Variants in UCHL5 observed in about 807,000 individuals in gnomAD.
UCHL5 encodes the protein ubiquitin carboxyl-terminal hydrolase isozyme L5.
A neutral mutation model predicts 53.8 loss-of-function variants in UCHL5; 34 were observed. The observed-to-expected ratio is 0.63, with a 90% CI of 0.48 to 0.84. The LOEUF is 0.84. UCHL5 is among the 40% of genes least tolerant of loss of function. The pLI is 0.00. For synonymous variants in UCHL5, 111 were observed against 126.3 expected (o/e 0.88, Z 0.81); for missense variants, 290 against 385.6 (o/e 0.75, Z 2.08).
chr1:193,044,178 C>G (rs1187491793), intron 3 of UCHL5, among the ~76,000 whole-genome samples: 2 of 152,156 alleles, frequency 1.3e-5, no homozygotes, highest in Non-Finnish European at 2.9e-5. Context: ...CAGCACTTAT[C>G]ATCATTGTAA....
At chr1:193,058,811 T>C (rs571473324) in intron 1 of UCHL5, among the ~76,000 whole-genome samples, 2 of 152,330 alleles carry the variant, frequency 1.3e-5, no homozygotes, top group Non-Finnish European at 2.9e-5. Context: ...AGCAATGCAC[T>C]TGACCTCACC....
At chr1:193,053,871 T>A (rs1050356286) in intron 1 of UCHL5, among the ~76,000 whole-genome samples, 4 of 152,126 alleles carry the variant, frequency 2.6e-5, no homozygotes, top group Non-Finnish European at 5.9e-5. Context: ...TAAACTATTG[T>A]CACAATACTT....
At chr1:193,022,534 TG>T (rs1657455833) in intron 9 of UCHL5, among the ~76,000 whole-genome samples, 1 of 151,874 alleles carries the variant, frequency 6.6e-6, no homozygotes, top group Non-Finnish European at 1.5e-5. Context: ...GGCATGGTGG[TG>T]CACACCTGTA....
intron 3 of UCHL5, among the ~76,000 whole-genome samples, chr1:193,034,822 C>G (rs2102552756): frequency 6.6e-6 from 1 of 151,964 alleles, no homozygotes; most frequent in East Asian, 1.9e-4. Flanking sequence ...CTGCATTAAC[C>G]TAGCAAAAGG....
chr1:193,053,374 C>T (rs1217957308), intron 1 of UCHL5, among the ~76,000 whole-genome samples: 1 of 152,182 alleles, frequency 6.6e-6, no homozygotes, highest in Non-Finnish European at 1.5e-5. Context: ...TGCCTCAAAG[C>T]CTCCTGCACT....
intron 10 of UCHL5, chr1:193,018,626 T>G (rs1655722211): frequency 7.2e-6 from 9 of 1,253,474 alleles, no homozygotes; most frequent in Non-Finnish European, 9.0e-6. Context: ...CACTTTTTAT[T>G]TATTATTTTG....
intron 3 of UCHL5, among the ~76,000 whole-genome samples, chr1:193,043,544 T>C (rs2102722900): frequency 6.6e-6 from 1 of 152,322 alleles, no homozygotes; most frequent in East Asian, 1.9e-4. Context: ...TTGCCCTTGG[T>C]TCCTGGGAGA....
At chr1:193,057,399 G>A (rs1670958567) in intron 1 of UCHL5, 1 of 155,556 alleles carries the variant, frequency 6.4e-6, no homozygotes, top group South Asian at 1.9e-4. Flanking sequence ...ATGAAGAGCA[G>A]ACATTACCAC....
Position 193,016,412 on chromosome 1 carries a change from G to T in UCHL5, c.943-17C>A. 1 of 1,599,426 alleles carries T rather than the reference G, an allele frequency of 6.3e-7. No individual in the cohort carries two copies. On this transcript the variant is annotated splice_polypyrimidine_tract_variant and intron_variant, in intron 10 of 10. Coordinates refer to ENST00000367454, the MANE Select transcript of UCHL5 (RefSeq NM_001199261.3). ...TTCTTTTGCCTAAAAATTAAAAATAGTATGTTACAAAATTTTAAAAGTCAG... is the reference window on the plus strand; with the variant it reads ...TTCTTTTGCCTAAAAATTAAAAATATTATGTTACAAAATTTTAAAAGTCAG...
intron 3 of UCHL5, among the ~76,000 whole-genome samples, chr1:193,036,432 A>C (rs1663520004): frequency 6.6e-6 from 1 of 151,914 alleles, no homozygotes; most frequent in African/African-American, 2.4e-5. Flanking sequence ...ATAATGATAA[A>C]GGGGTCAATC....
chr1:193,060,018 C>T, upstream of UCHL5: 2 of 1,357,382 alleles, frequency 1.5e-6, no homozygotes, highest in South Asian at 1.1e-5. Flanking sequence ...TGGGCCCTTT[C>T]CGAAGCCGGG....
chr1:193,025,503 T>C (rs966739567), intron 7 of UCHL5, among the ~76,000 whole-genome samples: 1 of 152,210 alleles, frequency 6.6e-6, no homozygotes, highest in Non-Finnish European at 1.5e-5. Context: ...TCCACTTCAG[T>C]ATGAGTGGAA....
rs1433022261 is a variant in UCHL5, at chr1:193,013,361, A to G, written c.*2990T>C. ...TATGTAGTTTCAAAACTCCCAATATAAATCTGCATTCCTCTTCAAATAGCT... is the reference window on the plus strand; with the variant it reads ...TATGTAGTTTCAAAACTCCCAATATGAATCTGCATTCCTCTTCAAATAGCT... On this transcript the variant is annotated 3_prime_UTR_variant, in exon 11 of 11. Transcript: ENST00000367454. 1 of 152,204 alleles carries G rather than the reference A, an allele frequency of 6.6e-6. No individual in the cohort carries two copies. Among genetic ancestry groups the G allele is most frequent in the Non-Finnish European group, 1.5e-5 (1 of 68,042 alleles). 9.4% of individuals were successfully genotyped at this position (152,204 alleles called of 1,614,324 possible). A position where few individuals can be genotyped will look rare whatever the true frequency, so the allele number is the denominator to read the frequency against.
At chr1:193,038,976 A>C (rs1363037614) in intron 3 of UCHL5, among the ~76,000 whole-genome samples, 1 of 152,208 alleles carries the variant, frequency 6.6e-6, no homozygotes, top group Non-Finnish European at 1.5e-5. Flanking sequence ...AGACAGAGCA[A>C]GACCCTGTCT....
At position 193,022,838 on chromosome 1, in the gene UCHL5, G is replaced by A. The variant is rs528406553; in HGVS notation, c.843+88C>T. The A allele has an allele frequency of 3.4e-5, 29 of 863,348 alleles. No individual in the cohort carries two copies. The East Asian group carries it at 6.1e-4, about 18-fold the overall frequency. 53.5% of individuals were successfully genotyped at this position (863,348 alleles called of 1,614,324 possible). Reference sequence around the variant, plus strand: ...TTGAAATCTGGTAAATGATAGGAGGGAAAGCCATCAGATATTCAATGTACC... The same window carrying A: ...TTGAAATCTGGTAAATGATAGGAGGAAAAGCCATCAGATATTCAATGTACC... On this transcript the variant is annotated intron_variant, in intron 9 of 10. Transcript: ENST00000367454.
intron 7 of UCHL5, among the ~76,000 whole-genome samples, chr1:193,025,120 C>T (rs1398006437): frequency 6.6e-6 from 1 of 152,056 alleles, no homozygotes; most frequent in Non-Finnish European, 1.5e-5. Flanking sequence ...AAACCAGCAA[C>T]CCAGAAATAC....
At chr1:193,035,990 T>C (rs1235822111) in intron 3 of UCHL5, among the ~76,000 whole-genome samples, 1 of 151,838 alleles carries the variant, frequency 6.6e-6, no homozygotes, top group Non-Finnish European at 1.5e-5. Context: ...AAACCTGTAA[T>C]AGATTCACTA....
rs1654464607 is a variant in UCHL5 at position 193,013,589 on chromosome 1, A to AT, written c.*2761dup. On this transcript the variant is annotated 3_prime_UTR_variant, in exon 11 of 11. Transcript: ENST00000367454. ...ATAGAAATATGGTAATTTAAATTTT[A>AT]TTTTTACTTATCTGTTTTCTCTAAA... The AT allele has an allele frequency of 6.6e-6, 1 of 152,126 alleles. No individual in the cohort carries two copies. Among genetic ancestry groups the AT allele is most frequent in the Admixed American group, 6.6e-5 (1 of 15,262 alleles). The allele number at this position is 152,126 out of a possible 1,614,324, so 9.4% of individuals were successfully genotyped here.
intron 7 of UCHL5, among the ~76,000 whole-genome samples, chr1:193,025,357 G>T (rs1051325883): frequency 6.6e-6 from 1 of 152,168 alleles, no homozygotes; most frequent in Non-Finnish European, 1.5e-5. Context: ...TCCTAGGTTG[G>T]TATTTAAAAA....
Sources: allele counts gnomAD v4.1 joint callset (sites outside exome capture counted in the v4.1 genomes callset), GRCh38; gene constraint gnomAD v4.1.1; transcripts MANE v1.5; gene names NCBI Gene and HGNC (gene_info 2026-07-23, HGNC 2026-07-21).